The following MFNG variants were observed in gnomAD, a reference collection of about 807,000 sequenced individuals.
MFNG encodes MFNG O-fucosylpeptide 3-beta-N-acetylglucosaminyltransferase.
In MFNG, 24 loss-of-function variants were observed where a neutral mutation model predicts 34.2. That is an observed-to-expected ratio of 0.70 (90% confidence interval 0.51 to 0.99). The LOEUF (loss-of-function observed/expected upper bound fraction) is 0.99. Ranked by LOEUF, MFNG falls within the 50% of genes least tolerant of loss-of-function variation. MFNG has a pLI of 0.00. For synonymous variants in MFNG, 158 were observed against 179.2 expected, an observed-to-expected ratio of 0.88 and a Z score of 0.94; for missense variants, 383 against 424.0, an observed-to-expected ratio of 0.90 and a Z score of 0.85.
chr22:37,469,957 C>A lies in MFNG; in HGVS notation c.*6G>T. 6.2e-7 allele frequency: 1 copy of A among 1,601,374 alleles called. No individual in the cohort carries two copies. Among genetic ancestry groups the A allele is most frequent in the East Asian group, 2.3e-5 (1 of 44,290 alleles). On this transcript the variant is annotated 3_prime_UTR_variant, in exon 8 of 8. Transcript: ENST00000356998. The stretch of plus-strand genomic sequence containing the variant: ...TCTGCCCAACCTTTGCCCAGCAGTT[C>A]AGGATTCATCGGGCACCCAGCTGGG...
chr22:37,476,818 C>T, intron 5 of MFNG, 78 bp downstream of exon 5: 1 of 1,180,216 alleles, frequency 8.5e-7, no homozygotes, highest in Non-Finnish European at 1.2e-6. Context: ...CAAAGCCCTT[C>T]CTGCTGCAAA....
intron 4 of MFNG, among the ~76,000 whole-genome samples, chr22:37,478,460 AT>A (rs1380942032): frequency 3.9e-5 from 6 of 152,132 alleles, no homozygotes; most frequent in Admixed American, 6.5e-5. Flanking sequence ...GTGGTTTTTC[AT>A]TTATTTGTTT....
Position 37,484,785 on chromosome 22 carries a change from G to A in MFNG, c.255+1138C>T, listed in dbSNP as rs1922466098. 3.3e-5 allele frequency among the ~76,000 whole-genome samples: 5 copies of A among 152,340 alleles called. No homozygotes were observed. The South Asian group carries it at 1.0e-3, about 32-fold the overall frequency. On this transcript the variant is annotated intron_variant, in intron 1 of 7. Transcript: ENST00000356998. ...GCCCAGAGAAGAGCTGAGGTGCTGG[G>A]GGCCAGCTGGGGAAGAGTTAATCCC...
At chr22:37,471,446 G>T (rs1338360591) in intron 7 of MFNG, among the ~76,000 whole-genome samples, 1 of 152,112 alleles carries the variant, frequency 6.6e-6, no homozygotes, top group African/African-American at 2.4e-5. Context: ...TCAAGCATCA[G>T]TTCTGGGGTT....
intron 4 of MFNG, among the ~76,000 whole-genome samples, chr22:37,479,065 C>A (rs2145733630): frequency 6.6e-6 from 1 of 152,334 alleles, no homozygotes; most frequent in East Asian, 1.9e-4. Context: ...CCTCAGCTCA[C>A]CTGGATGCTC....
Position 37,485,415 on chromosome 22 carries a change from A to G in MFNG, c.255+508T>C, listed in dbSNP as rs907468575. ...GGCCGAAGGGATGCCTCCCCCAAGA[A>G]CAGACCCCACCATTCTCCTCCCGTC... On this transcript the variant is annotated intron_variant, in intron 1 of 7. Transcript: ENST00000356998. The surrounding 1 kb of genome is among the most constrained non-coding windows in gnomAD (Gnocchi z 5.3). Among the ~76,000 whole-genome samples, 6 of 152,116 alleles carry G rather than the reference A, an allele frequency of 3.9e-5. No homozygotes were observed. Among genetic ancestry groups the G allele is most frequent in the Non-Finnish European group, 8.8e-5 (6 of 67,994 alleles).
intron 5 of MFNG, among the ~76,000 whole-genome samples, chr22:37,475,213 T>C (rs1326129510): frequency 6.7e-6 from 1 of 148,716 alleles, no homozygotes; most frequent in Non-Finnish European, 1.5e-5. Context: ...TGTGTGTTCA[T>C]TTGTTTGTTT....
chr22:37,478,867 C>T (rs765038755), intron 4 of MFNG, among the ~76,000 whole-genome samples: 4 of 152,056 alleles, frequency 2.6e-5, no homozygotes, highest in Admixed American at 6.6e-5. Context: ...TTAGTAGAGA[C>T]GGGGTTTCAC....
rs574854002 is a variant in MFNG, at chr22:37,473,074, T to C, written c.814-546A>G. Among the ~76,000 whole-genome samples the C allele has an allele frequency of 1.8e-4, 27 of 152,212 alleles. 1 individual carries two copies. The highest frequency in any genetic ancestry group is 1.3e-4 in the Non-Finnish European group (9 of 67,994). On this transcript the variant is annotated intron_variant, in intron 6 of 7. Coordinates refer to ENST00000356998, the MANE Select transcript of MFNG (RefSeq NM_002405.4). ...GGTCAGTTCAGCTCGCTGGGTCTCA[T>C]TTTCCCCATCTATAGAATGGGGATA...
At position 37,474,732 on chromosome 22, in the gene MFNG, C is replaced by T. The variant is rs79514199; in HGVS notation, c.648-55G>A. ...GGCCCAGGCCCTCCACACCCAGAGC[C>T]GTGGGCCACCCCATGAAGGCCCTCC... On this transcript the variant is annotated intron_variant, in intron 5 of 7. Transcript: ENST00000356998. 1,737 of 1,525,308 alleles carry T rather than the reference C, an allele frequency of 1.1e-3. 13 individuals are homozygous for T. In the African/African-American group the frequency reaches 0.018, roughly 15 times the overall value. The allele number at this position is 1,525,308 out of a possible 1,614,324, so 94.5% of individuals were successfully genotyped here. A position where few individuals can be genotyped will look rare whatever the true frequency, so the allele number is the denominator to read the frequency against.
rs542936510 is a variant in MFNG at position 37,478,131 on chromosome 22, G to A, written c.562-1150C>T. Among the ~76,000 whole-genome samples the A allele has an allele frequency of 2.6e-5, 4 of 152,200 alleles. No homozygotes were observed. The South Asian group carries it at 6.2e-4, about 24-fold the overall frequency. ...CTAGGGCCCAGAAGAATTTAATTAA[G>A]GCTCAGAGGCTGATTAGCTACTGAT... On this transcript the variant is annotated intron_variant, in intron 4 of 7. Transcript: ENST00000356998.
Position 37,483,669 on chromosome 22 carries a change from A to C in MFNG, c.255+2254T>G, listed in dbSNP as rs1397618140. On this transcript the variant is annotated intron_variant, in intron 1 of 7. Coordinates refer to ENST00000356998, the MANE Select transcript of MFNG (RefSeq NM_002405.4). The surrounding 1 kb of genome is among the most constrained non-coding windows in gnomAD (Gnocchi z 4.5). ...GGTGCGCATGCCTGTAGTCCAAGCT[A>C]CTCAGGAAGCTGAGGATCACTTGAA... 1.3e-5 allele frequency among the ~76,000 whole-genome samples: 2 copies of C among 152,052 alleles called. No homozygotes were observed. Among genetic ancestry groups the C allele is most frequent in the Admixed American group, 6.6e-5 (1 of 15,250 alleles).
chr22:37,475,802 T>C (rs564086834), intron 5 of MFNG, among the ~76,000 whole-genome samples: 2 of 152,204 alleles, frequency 1.3e-5, no homozygotes, highest in South Asian at 4.1e-4. Flanking sequence ...AATTTAGAGG[T>C]GGGCAGAAGC....
chr22:37,476,301 ATAT>A (rs1282042888), intron 5 of MFNG, among the ~76,000 whole-genome samples: 1 of 151,872 alleles, frequency 6.6e-6, no homozygotes, highest in African/African-American at 2.4e-5. Context: ...TCCCCTCATA[ATAT>A]TAGGAGTAAT....
intron 2 of MFNG, 42 bp downstream of exon 2, chr22:37,480,679 A>G (rs1474660958): frequency 6.3e-7 from 1 of 1,597,278 alleles, no homozygotes; most frequent in South Asian, 1.1e-5. Flanking sequence ...TTCCCAGGCA[A>G]CAGCTAAAGT....
rs755264503 is a variant in MFNG, at chr22:37,480,700, AC to A, written c.304+20del. On this transcript the variant is annotated intron_variant, in intron 2 of 7. Transcript: ENST00000356998. Reference sequence around the variant, plus strand: ...GGCAACAGCTAAAGTCCCCCACCACACCCAGGCCGGGCAGAGTTACCCAGTC... The same window carrying A: ...GGCAACAGCTAAAGTCCCCCACCACACCAGGCCGGGCAGAGTTACCCAGTC... 1 of 1,611,928 alleles carries A rather than the reference AC, an allele frequency of 6.2e-7. No individual in the cohort carries two copies. The highest frequency in any genetic ancestry group is 8.5e-7 in the Non-Finnish European group (1 of 1,178,692).
At chr22:37,470,168 G>A (rs1413250320) in intron 7 of MFNG, 139 bp from the exon 8 acceptor site, 4 of 640,430 alleles carry the variant, frequency 6.2e-6, no homozygotes, top group Non-Finnish European at 1.1e-5. Context: ...TAGGGCCAGA[G>A]AATTCTTTGT....
chr22:37,481,700 CCCCGGCCCTGGGACTG>C lies in MFNG; in HGVS notation c.256-947_256-932del, dbSNP rs1922297848. Among the ~76,000 whole-genome samples, 3 of 152,282 alleles carry C rather than the reference CCCCGGCCCTGGGACTG, an allele frequency of 2.0e-5. No homozygotes were observed. The South Asian group carries it at 6.2e-4, about 32-fold the overall frequency. ...GAGCATCAGGGGCCTTTGAGGGCCT[CCCCGGCCCTGGGACTG>C]CCCGGCCCAGGACTCAGGACAATTC... On this transcript the variant is annotated intron_variant, in intron 1 of 7. Transcript: ENST00000356998.
chr22:37,484,655 C>A (rs1922458535), intron 1 of MFNG: 1 of 152,318 alleles, frequency 6.6e-6, no homozygotes, highest in Admixed American at 6.5e-5. Flanking sequence ...TGAGGCCACG[C>A]TCCCGGGTAC....
Sources: gnomAD v4.1 joint callset for allele counts (sites outside exome capture counted in the v4.1 genomes callset) on GRCh38, gnomAD v4.1.1 for gene constraint, Gnocchi (gnomAD v3.1) non-coding constraint, MANE v1.5 for transcripts, NCBI Gene and HGNC (gene_info 2026-07-23, HGNC 2026-07-21) for gene names.